BAZ1A: variants seen among roughly 807,000 people sequenced by gnomAD.
BAZ1A encodes the protein bromodomain adjacent to zinc finger domain protein 1A.
Under a neutral mutation model 185.2 loss-of-function variants are expected in BAZ1A, and 50 were observed. That is an observed-to-expected ratio of 0.27 (90% CI 0.22 to 0.34). The LOEUF (loss-of-function observed/expected upper bound fraction) is 0.34, where lower values mean the gene tolerates loss of function less well. Ranked by LOEUF, BAZ1A falls within the 10% of genes least tolerant of loss-of-function variation. The pLI is 1.00. For synonymous variants in BAZ1A, 571 were observed against 615.6 expected (o/e 0.93, Z 1.07); for missense variants, 1,356 against 1,839.9 (o/e 0.74, Z 4.81).
At chr14:34,753,825 A>C (rs1886122234) in intron 26 of BAZ1A, 121 bp from the exon 27 acceptor site, 1 of 849,628 alleles carries the variant, frequency 1.2e-6, no homozygotes, top group East Asian at 2.9e-5. Context: ...TTCTTTAGAA[A>C]GAGAAGACTC....
At chr14:34,837,241 A>G (rs950873665) in intron 3 of BAZ1A, among the ~76,000 whole-genome samples, 1 of 151,650 alleles carries the variant, frequency 6.6e-6, no homozygotes, top group South Asian at 2.1e-4. Flanking sequence ...TATAATACTA[A>G]TAAGTCTCTT....
intron 3 of BAZ1A, among the ~76,000 whole-genome samples, chr14:34,827,085 A>C (rs368785584): frequency 6.6e-5 from 10 of 150,546 alleles, no homozygotes; most frequent in Non-Finnish European, 1.0e-4. Flanking sequence ...CCCTTCTCCT[A>C]TCTCTCTCTC....
At chr14:34,863,849 A>ATT (rs3062595) in intron 2 of BAZ1A, among the ~76,000 whole-genome samples, 3,106 of 151,422 alleles carry the variant, frequency 0.021, 51 homozygotes, top group South Asian at 0.065. Flanking sequence ...TATTGTTTGA[A>ATT]TTTTTTTTCT....
chr14:34,783,716 G>T (rs960067850), intron 15 of BAZ1A, 46 bp downstream of exon 15: 9 of 1,578,656 alleles, frequency 5.7e-6, no homozygotes, highest in Admixed American at 1.9e-5. Context: ...TAAATGCAAA[G>T]AAATAAACAG....
chr14:34,845,819 C>T (rs939626116), intron 3 of BAZ1A, among the ~76,000 whole-genome samples: 17 of 149,144 alleles, frequency 1.1e-4, no homozygotes, highest in Admixed American at 1.3e-4. Context: ...CGAGATCGTG[C>T]CACTGCACTA....
chr14:34,855,660 A>C (rs1310429059), intron 3 of BAZ1A, among the ~76,000 whole-genome samples: 1 of 152,212 alleles, frequency 6.6e-6, no homozygotes, highest in Non-Finnish European at 1.5e-5. Context: ...TGGAAAACCA[A>C]GGCTAGCAGA....
chr14:34,836,610 T>G (rs912204025), intron 3 of BAZ1A, among the ~76,000 whole-genome samples: 1 of 151,872 alleles, frequency 6.6e-6, no homozygotes, highest in African/African-American at 2.4e-5. Flanking sequence ...TGCTCCCCAT[T>G]CTGCCTCATT....
In BAZ1A at chr14:34,785,887, T is replaced by C; in HGVS notation, c.1721A>G (p.Gln574Arg). 6.2e-7 allele frequency: 1 copy of C among 1,614,158 alleles called. No individual in the cohort carries two copies. Among genetic ancestry groups the C allele is most frequent in the Admixed American group, 1.7e-5 (1 of 60,018 alleles). Residue 574 changes from glutamine (Q) to arginine (R), a missense_variant, in exon 14 of 27, where the codon CAA becomes CGA. Around this residue, in one of 7 missense-constraint regions of BAZ1A, gnomAD observed 184 missense variants for 355.1 expected, o/e 0.52. Transcript: ENST00000360310. ...VTSANAKYRY[Q>R]KRGGFDATDD... ...TGTAGCATCAAATCCTCCTCGTTTT[T>C]GATATCTATACTTTGCATTTGCTGA...
At chr14:34,816,080 C>CTTTTTTTTTTTTTTTTT in intron 4 of BAZ1A, among the ~76,000 whole-genome samples, 1 of 79,426 alleles carries the variant, frequency 1.3e-5, no homozygotes, top group Admixed American at 2.2e-4. Context: ...TATTCCAGAC[C>CTTTTTTTTTTTTTTTTT]TTTTTTTTTT....
intron 17 of BAZ1A, 40 bp downstream of exon 17, chr14:34,780,146 A>T (rs2138598299): frequency 6.2e-7 from 1 of 1,607,582 alleles, no homozygotes; most frequent in East Asian, 2.2e-5. Flanking sequence ...TTGGTTAAAA[A>T]CAAATACACA....
chr14:34,875,070 G>A (rs572219824), intron 1 of BAZ1A, 68 bp downstream of exon 1: 1 of 353,996 alleles, frequency 2.8e-6, no homozygotes, highest in Non-Finnish European at 5.6e-6. Context: ...CCCCGGAGCT[G>A]CTCCGCTTTG....
chr14:34,869,302 C>A (rs1240579564), intron 2 of BAZ1A, among the ~76,000 whole-genome samples: 2 of 152,096 alleles, frequency 1.3e-5, no homozygotes, highest in Admixed American at 1.3e-4. Flanking sequence ...TAAATATTAT[C>A]AATTCTTATT....
At chr14:34,803,249 C>G (rs939526563) in intron 6 of BAZ1A, among the ~76,000 whole-genome samples, 1 of 151,890 alleles carries the variant, frequency 6.6e-6, no homozygotes, top group African/African-American at 2.4e-5. Context: ...TGTGGTGGCA[C>G]ACGTCTGTAG....
At chr14:34,844,509 G>T (rs1343320140) in intron 3 of BAZ1A, among the ~76,000 whole-genome samples, 1 of 152,026 alleles carries the variant, frequency 6.6e-6, no homozygotes, top group Non-Finnish European at 1.5e-5. Flanking sequence ...GGACGTAGTG[G>T]CTCAAGCCTG....
chr14:34,844,161 G>C (rs1209944717), intron 3 of BAZ1A, among the ~76,000 whole-genome samples: 1 of 141,278 alleles, frequency 7.1e-6, no homozygotes, highest in African/African-American at 2.7e-5. Flanking sequence ...AGCAGAGATC[G>C]CGCCACTGCA....
At chr14:34,849,117 A>T (rs538579839) in intron 3 of BAZ1A, among the ~76,000 whole-genome samples, 2 of 152,174 alleles carry the variant, frequency 1.3e-5, no homozygotes, top group Admixed American at 1.3e-4. Flanking sequence ...ACATAGGGAG[A>T]CTATCTATAA....
Position 34,764,816 on chromosome 14 carries a change from C to T in BAZ1A, c.3667G>A (p.Gly1223Arg). The T allele has an allele frequency of 6.2e-7, 1 of 1,613,700 alleles. No individual in the cohort carries two copies. The highest frequency in any genetic ancestry group is 8.5e-7 in the Non-Finnish European group (1 of 1,179,640). Reference protein sequence around the residue: ...ESDEDVEDSMGGEDDEVDGDE... With the variant: ...ESDEDVEDSMRGEDDEVDGDE... ...CCATCAACTTCATCATCCTCACCTC[C>T]CATACTGTCTTCCACATCTTCATCA... The change falls in exon 23 of 27, where the codon GGA (glycine) becomes AGA (arginine). Residue 1223 changes from glycine (G) to arginine (R), a missense_variant. This residue lies in a region of BAZ1A where 309 missense variants were observed against 355.3 expected (regional missense o/e 0.87). Coordinates refer to ENST00000360310, the MANE Select transcript of BAZ1A (RefSeq NM_013448.3).
intron 3 of BAZ1A, among the ~76,000 whole-genome samples, chr14:34,844,500 G>T (rs2042470871): frequency 6.6e-6 from 1 of 151,878 alleles, no homozygotes; most frequent in Non-Finnish European, 1.5e-5. Context: ...AAATTGGCTG[G>T]ACGTAGTGGC....
intron 17 of BAZ1A, among the ~76,000 whole-genome samples, chr14:34,778,354 C>CT (rs1474591899): frequency 1.3e-5 from 2 of 152,206 alleles, no homozygotes; most frequent in African/African-American, 4.8e-5. Context: ...TCTGCCTTGA[C>CT]TTTGACAGTA....
Sources: allele counts gnomAD v4.1 joint callset (sites outside exome capture counted in the v4.1 genomes callset), GRCh38; gene constraint gnomAD v4.1.1; regional missense constraint gnomAD v4.1.1; transcripts MANE v1.5; gene names NCBI Gene and HGNC (gene_info 2026-07-23, HGNC 2026-07-21).